Variants in SERINC5 observed in about 807,000 individuals in gnomAD.
SERINC5 encodes serine incorporator 5.
In SERINC5, 41 loss-of-function variants were observed where a neutral mutation model predicts 63.1. That is an observed-to-expected ratio of 0.65 (90% CI 0.51 to 0.84). The LOEUF is 0.84. SERINC5 is among the 40% of genes least tolerant of loss of function. SERINC5 has a pLI of 0.00. For synonymous variants in SERINC5, 222 were observed against 215.2 expected (o/e 1.03, Z -0.28); for missense variants, 523 against 573.0 (o/e 0.91, Z 0.89).
At chr5:80,171,837 C>A (rs370725993) in intron 5 of SERINC5, among the ~76,000 whole-genome samples, 2 of 151,676 alleles carry the variant, frequency 1.3e-5, no homozygotes, top group Non-Finnish European at 2.9e-5. Context: ...GCTATGACTG[C>A]GCCACGGCAC....
intron 4 of SERINC5, among the ~76,000 whole-genome samples, chr5:80,175,950 G>C (rs778607953): frequency 4.0e-5 from 6 of 151,020 alleles, no homozygotes; most frequent in Non-Finnish European, 7.4e-5. Context: ...GAGGCCAAGA[G>C]GGGGCGGATC....
At chr5:80,165,460 A>G (rs1747233191) in intron 7 of SERINC5, among the ~76,000 whole-genome samples, 1 of 152,182 alleles carries the variant, frequency 6.6e-6, no homozygotes, top group African/African-American at 2.4e-5. Flanking sequence ...ATGTATGTAT[A>G]TATGTATGTA....
At chr5:80,135,526 A>G (rs988686258), downstream of SERINC5, among the ~76,000 whole-genome samples, 5 of 152,206 alleles carry the variant, frequency 3.3e-5, no homozygotes, top group Non-Finnish European at 7.3e-5. Flanking sequence ...GATAACTACA[A>G]TAGAGAATCC....
rs138647915 is a variant in SERINC5 at position 80,127,413 on chromosome 5, A to G, written c.1239-13788T>C. On this transcript the variant is annotated intron_variant, in intron 11 of 12. Transcript: ENST00000509193. ...ATACAGACTGCTGGTCCCAGGATGG[A>G]AAACTTAGAGCAAAGCTACCGGTAG... Among the ~76,000 whole-genome samples the G allele has an allele frequency of 4.0e-3, 611 of 152,282 alleles. 5 individuals are homozygous for G. Among genetic ancestry groups the G allele is most frequent in the African/African-American group, 0.014 (563 of 41,552 alleles).
chr5:80,204,754 A>G (rs1750066531), intron 1 of SERINC5, among the ~76,000 whole-genome samples: 1 of 152,224 alleles, frequency 6.6e-6, no homozygotes, highest in Non-Finnish European at 1.5e-5. Context: ...GTTGGGCCCA[A>G]GAAAGTGAGG....
chr5:80,127,641 T>A (rs1338442243), intron 11 of SERINC5, among the ~76,000 whole-genome samples: 1 of 152,138 alleles, frequency 6.6e-6, no homozygotes, highest in Non-Finnish European at 1.5e-5. Context: ...ATTTTATATA[T>A]TTAAATTATA....
At chr5:80,207,068 G>A (rs1750208350) in intron 1 of SERINC5, among the ~76,000 whole-genome samples, 1 of 151,918 alleles carries the variant, frequency 6.6e-6, no homozygotes. Flanking sequence ...GCACGATCTT[G>A]GCTCACTGCA....
At chr5:80,145,822 C>T (rs1445267270) in intron 11 of SERINC5, among the ~76,000 whole-genome samples, 1 of 152,108 alleles carries the variant, frequency 6.6e-6, no homozygotes, top group African/African-American at 2.4e-5. Flanking sequence ...CCAGCCTGGC[C>T]AACATGGCAA....
At chr5:80,113,835 A>G (rs1744228073) in intron 11 of SERINC5, among the ~76,000 whole-genome samples, 1 of 151,924 alleles carries the variant, frequency 6.6e-6, no homozygotes, top group Non-Finnish European at 1.5e-5. Flanking sequence ...GTGGGGACAC[A>G]GCCAAACTAT....
chr5:80,130,202 A>G (rs1407040730), intron 11 of SERINC5, among the ~76,000 whole-genome samples: 1 of 152,112 alleles, frequency 6.6e-6, no homozygotes, highest in East Asian at 1.9e-4. Context: ...CAACATGATG[A>G]AACCCCAACT....
chr5:80,164,661 A>G (rs1580093755), intron 7 of SERINC5, among the ~76,000 whole-genome samples: 1 of 152,082 alleles, frequency 6.6e-6, no homozygotes, highest in African/African-American at 2.4e-5. Flanking sequence ...TAGGATTACA[A>G]GCATGAGCCA....
intron 7 of SERINC5, among the ~76,000 whole-genome samples, chr5:80,164,331 GT>G (rs926539176): frequency 2.9e-5 from 4 of 138,028 alleles, no homozygotes; most frequent in African/African-American, 1.1e-4. Flanking sequence ...GTTCTCATGG[GT>G]TTTTTTGGGG....
At chr5:80,147,400 G>T in intron 9 of SERINC5, 116 bp from the exon 10 acceptor site, 1 of 1,061,160 alleles carries the variant, frequency 9.4e-7, no homozygotes, top group Non-Finnish European at 1.4e-6. Flanking sequence ...GATGTGGACT[G>T]TTCTTTCCCA....
chr5:80,197,865 G>C (rs1170436938), intron 2 of SERINC5, among the ~76,000 whole-genome samples: 2 of 152,068 alleles, frequency 1.3e-5, no homozygotes, highest in African/African-American at 4.8e-5. Context: ...TTTTGAGACA[G>C]AGTGTCACTC....
At chr5:80,252,212 A>C (rs1752460804) in intron 1 of SERINC5, among the ~76,000 whole-genome samples, 1 of 151,766 alleles carries the variant, frequency 6.6e-6, no homozygotes, top group Non-Finnish European at 1.5e-5. Flanking sequence ...CAGGTCGTGC[A>C]CCATCACGCC....
Position 80,141,363 on chromosome 5 carries a change from T to C in SERINC5, c.*2300A>G. On this transcript the variant is annotated 3_prime_UTR_variant, in exon 12 of 12. Coordinates refer to ENST00000507668, the MANE Select transcript of SERINC5 (RefSeq NM_001174072.3). Reference sequence around the variant, plus strand: ...CCTTCTACCGGCCACACTCCCTTGCTTGGGCTTCCCTAAGCTGCTTTCTGC... The same window carrying C: ...CCTTCTACCGGCCACACTCCCTTGCCTGGGCTTCCCTAAGCTGCTTTCTGC... 1 of 985,422 alleles carries C rather than the reference T, an allele frequency of 1.0e-6. No individual in the cohort carries two copies. Among genetic ancestry groups the C allele is most frequent in the Non-Finnish European group, 1.2e-6 (1 of 829,936 alleles). The allele number at this position is 985,422 out of a possible 1,614,324, so 61.0% of individuals were successfully genotyped here.
intron 2 of SERINC5, among the ~76,000 whole-genome samples, chr5:80,199,317 T>C (rs936977890): frequency 2.6e-5 from 4 of 152,164 alleles, no homozygotes; most frequent in Non-Finnish European, 5.9e-5. Flanking sequence ...TCCCCATCTG[T>C]AGGGCAGGGG....
intron 1 of SERINC5, among the ~76,000 whole-genome samples, chr5:80,237,626 C>G (rs1751755492): frequency 6.6e-6 from 1 of 152,054 alleles, no homozygotes; most frequent in African/African-American, 2.4e-5. Context: ...AGAGCCACCT[C>G]CCCACCAGTT....
At chr5:80,119,918 T>C (rs746193535) in intron 11 of SERINC5, among the ~76,000 whole-genome samples, 20 of 152,176 alleles carry the variant, frequency 1.3e-4, no homozygotes, top group Non-Finnish European at 2.2e-4. Context: ...GGTAGGGGCT[T>C]GCTACCTAGG....
Sources: gnomAD v4.1 joint callset for allele counts (sites outside exome capture counted in the v4.1 genomes callset) on GRCh38, gnomAD v4.1.1 for gene constraint, MANE v1.5 for transcripts, NCBI Gene and HGNC (gene_info 2026-07-23, HGNC 2026-07-21) for gene names.